CFHR5: variants seen among roughly 807,000 people sequenced by gnomAD.
CFHR5 encodes complement factor H related 5.
A neutral mutation model predicts 62.9 loss-of-function variants in CFHR5; 73 were observed. That is an observed-to-expected ratio of 1.16 (90% confidence interval 0.96 to 1.41). The LOEUF (loss-of-function observed/expected upper bound fraction) is 1.41, where lower values mean the gene tolerates loss of function less well. CFHR5 is among the 40% of genes most tolerant of loss of function. The pLI is 0.00. For synonymous variants in CFHR5, 249 were observed against 227.2 expected (o/e 1.10, Z -0.86); for missense variants, 779 against 679.9 (o/e 1.15, Z -1.62).
intron 4 of CFHR5, 45 bp from the exon 5 acceptor site, chr1:196,995,672 A>G: frequency 6.5e-7 from 1 of 1,526,988 alleles, no homozygotes. Context: ...ATTTTTCTAT[A>G]CTTATAAGAC....
chr1:196,996,399 A>G (rs1299620166), intron 6 of CFHR5, among the ~76,000 whole-genome samples, 198 bp downstream of exon 6: 1 of 152,150 alleles, frequency 6.6e-6, no homozygotes, highest in Non-Finnish European at 1.5e-5. Context: ...TTATTACTGC[A>G]CAGATTTCTT....
intron 3 of CFHR5, 79 bp from the exon 4 acceptor site, chr1:196,994,001 C>T: frequency 1.8e-6 from 2 of 1,088,546 alleles, no homozygotes; most frequent in Non-Finnish European, 2.8e-6. Context: ...AAGCCCCTTG[C>T]ATCTTATTTT....
At position 196,998,140 on chromosome 1, in the gene CFHR5, T is replaced by A. The variant is rs1217290711; in HGVS notation, c.983T>A (p.Leu328His). The A allele has an allele frequency of 6.5e-7, 1 of 1,547,596 alleles. No individual in the cohort carries two copies. The highest frequency in any genetic ancestry group is 8.8e-7 in the Non-Finnish European group (1 of 1,141,396). The change falls in exon 7 of 10, where the codon CTT becomes CAT. Residue 328 changes from leucine (L) to histidine (H), a missense_variant. By Grantham distance (99) the Leu-to-His change is moderately conservative (BLOSUM62 -3). Coordinates refer to ENST00000256785, the MANE Select transcript of CFHR5 (RefSeq NM_030787.4). ...ELPMCVATHQLKRCKIAGVNI... is the reference protein window; with the variant it reads ...ELPMCVATHQHKRCKIAGVNI... ...TTATTTTTTATAGCAACACACCAAC[T>A]TAAGAGGTGCAAAATAGCAGGAGTT...
rs200176406 is a variant in CFHR5, at chr1:196,982,946, C to G, written c.120C>G (p.Asn40Lys). The change falls in exon 2 of 10, where the codon AAC becomes AAG. Residue 40 changes from asparagine to lysine, a missense_variant. Coordinates refer to ENST00000256785, the MANE Select transcript of CFHR5 (RefSeq NM_030787.4). ...HGFLYDEEDY[N>K]PFSQVPTGEV... The stretch of plus-strand genomic sequence containing the variant: ...TTCTGTATGATGAAGAAGATTATAA[C>G]CCTTTTTCCCAAGTTCCTACAGGGG... 1 of 1,614,068 alleles carries G rather than the reference C, an allele frequency of 6.2e-7. No individual in the cohort carries two copies. The highest frequency in any genetic ancestry group is 8.5e-7 in the Non-Finnish European group (1 of 1,180,010).
chr1:196,983,032 G>T lies in CFHR5; in HGVS notation c.206G>T (p.Arg69Leu), dbSNP rs375843181. ...FVSPSKSFWT[R>L]ITCTEEGWSP... ...TCTCCTTCAAAATCCTTTTGGACTC[G>T]CATAACATGCACAGAAGAAGGATGG... The change falls in exon 2 of 10, where the codon CGC becomes CTC. Residue 69 changes from arginine (R) to leucine (L), a missense_variant. Coordinates refer to ENST00000256785, the MANE Select transcript of CFHR5 (RefSeq NM_030787.4). 48 of 1,613,858 alleles carry T rather than the reference G, an allele frequency of 3.0e-5. No individual in the cohort carries two copies. The highest frequency in any genetic ancestry group is 3.8e-5 in the Non-Finnish European group (45 of 1,180,018).
chr1:196,999,746 C>G (rs1376800975), intron 7 of CFHR5, among the ~76,000 whole-genome samples: 1 of 135,620 alleles, frequency 7.4e-6, no homozygotes, highest in Non-Finnish European at 1.6e-5. Flanking sequence ...TATATATACA[C>G]ACACATATGT....
At chr1:196,988,466 T>G (rs532813245) in intron 3 of CFHR5, among the ~76,000 whole-genome samples, 1 of 152,278 alleles carries the variant, frequency 6.6e-6, no homozygotes, top group East Asian at 1.9e-4. Flanking sequence ...AAGGGAATGC[T>G]TCCAGTTTTT....
intron 3 of CFHR5, among the ~76,000 whole-genome samples, chr1:196,989,285 AGTCT>A (rs1352799888): frequency 7.2e-5 from 11 of 151,910 alleles, no homozygotes; most frequent in African/African-American, 2.4e-4. Context: ...TCTTGCTAGC[AGTCT>A]GTCTATTTTG....
rs1654178199 is a variant in CFHR5 at position 197,002,492 on chromosome 1, A to T, written c.1158A>T (p.Glu386Asp). ...NPEVDCTEKR[E>D]QFCPPPPQIP... is the part of the protein sequence containing the mutation. ...TCCAATATTTTGTAGAAAAAAGGGA[A>T]CAATTCTGCCCACCGCCACCTCAGA... The change falls in exon 8 of 10, where the codon GAA (glutamate) becomes GAT (aspartate). Residue 386 changes from glutamate to aspartate, a missense_variant. Transcript: ENST00000256785. 1 of 1,612,594 alleles carries T rather than the reference A, an allele frequency of 6.2e-7. No individual in the cohort carries two copies. Among genetic ancestry groups the T allele is most frequent in the Non-Finnish European group, 8.5e-7 (1 of 1,179,056 alleles).
intron 6 of CFHR5, 123 bp downstream of exon 6, chr1:196,996,324 A>G (rs1048957183): frequency 5.2e-6 from 4 of 769,972 alleles, no homozygotes; most frequent in Non-Finnish European, 9.0e-6. Context: ...CCACAAGTAA[A>G]ATATGTCAAT....
intron 3 of CFHR5, among the ~76,000 whole-genome samples, chr1:196,985,494 A>C (rs1653660679): frequency 7.2e-6 from 1 of 138,924 alleles, no homozygotes; most frequent in Non-Finnish European, 1.5e-5. Context: ...TAACATTTGC[A>C]AAAAAAAAAA....
intron 3 of CFHR5, among the ~76,000 whole-genome samples, chr1:196,988,045 T>C (rs1305227192): frequency 6.6e-6 from 1 of 152,164 alleles, no homozygotes; most frequent in Non-Finnish European, 1.5e-5. Flanking sequence ...TTTATTTCGC[T>C]GAGCAGTGGT....
At chr1:196,979,481 G>T (rs1029969552) in intron 1 of CFHR5, among the ~76,000 whole-genome samples, 1 of 152,002 alleles carries the variant, frequency 6.6e-6, no homozygotes, top group Non-Finnish European at 1.5e-5. Context: ...AATACTGTGG[G>T]CAACTGTAGC....
At chr1:196,991,416 G>A (rs1375628291) in intron 3 of CFHR5, among the ~76,000 whole-genome samples, 1 of 152,100 alleles carries the variant, frequency 6.6e-6, no homozygotes, top group Non-Finnish European at 1.5e-5. Flanking sequence ...TGCTGGTGAG[G>A]AGCTATGATC....
intron 7 of CFHR5, among the ~76,000 whole-genome samples, chr1:197,001,528 A>G (rs1416306176): frequency 6.7e-6 from 1 of 150,330 alleles, no homozygotes; most frequent in Non-Finnish European, 1.5e-5. Flanking sequence ...CAATGCAATA[A>G]TTTTTTTTTT....
At chr1:196,982,787 G>A (rs1214592456) in intron 1 of CFHR5, 98 bp from the exon 2 acceptor site, 2 of 1,200,036 alleles carry the variant, frequency 1.7e-6, no homozygotes, top group Non-Finnish European at 2.4e-6. Flanking sequence ...TAAGCTGAAT[G>A]AAAAACAAAA....
chr1:196,995,888 C>T lies in CFHR5; in HGVS notation c.779C>T (p.Pro260Leu), dbSNP rs748797364. 5.6e-6 allele frequency: 9 copies of T among 1,612,648 alleles called. No individual in the cohort carries two copies. In the Admixed American group the frequency reaches 1.0e-4, roughly 18 times the overall value. Residue 260 changes from proline to leucine, a missense_variant, in exon 5 of 10, where the codon CCC becomes CTC. Physicochemically the swap from Pro to Leu is moderately conservative, Grantham distance 98. Coordinates refer to ENST00000256785, the MANE Select transcript of CFHR5 (RefSeq NM_030787.4). Reference sequence around the variant, plus strand: ...GTGGATGGAGAATGGACAACTTTACCCACTTGTGTTGGTAAATAAATATTA... The same window carrying T: ...GTGGATGGAGAATGGACAACTTTACTCACTTGTGTTGGTAAATAAATATTA... The part of the protein sequence containing the change: ...QCVDGEWTTL[P>L]TCVEQVKTCG...
At chr1:196,978,559 G>T (rs1446040377) in intron 1 of CFHR5, among the ~76,000 whole-genome samples, 1 of 151,900 alleles carries the variant, frequency 6.6e-6, no homozygotes, top group Admixed American at 6.6e-5. Flanking sequence ...TAAATTTTTT[G>T]AACACTTTCT....
At chr1:197,006,225 G>A (rs986755117) in intron 9 of CFHR5, among the ~76,000 whole-genome samples, 1 of 152,002 alleles carries the variant, frequency 6.6e-6, no homozygotes, top group African/African-American at 2.4e-5. Context: ...GAGTTTGTGG[G>A]AAGGGCATTC....
Sources: gnomAD v4.1 joint callset for allele counts (sites outside exome capture counted in the v4.1 genomes callset) on GRCh38, gnomAD v4.1.1 for gene constraint, MANE v1.5 for transcripts, NCBI Gene and HGNC (gene_info 2026-07-23, HGNC 2026-07-21) for gene names.